Variants in NMNAT3 observed in about 807,000 individuals in gnomAD.
NMNAT3 encodes the protein nicotinamide nucleotide adenylyltransferase 3.
NMNAT3 carries 21 observed loss-of-function variants against 24.8 expected under a neutral mutation model. The ratio of observed to expected loss-of-function variants is 0.85; its 90% CI spans 0.60 to 1.22. NMNAT3 has a LOEUF of 1.22. Ranked by LOEUF, NMNAT3 falls within the 50% of genes most tolerant of loss-of-function variation. The probability of loss-of-function intolerance (pLI) is 0.00; values close to 1 mark genes in which losing one functional copy is unlikely to be tolerated. For missense variants in NMNAT3, 387 were observed against 436.6 expected (o/e 0.89, Z 1.01); for synonymous variants, 136 against 155.2 (o/e 0.88, Z 0.92).
chr3:139,587,943 A>T (rs1465228541), intron 3 of NMNAT3, among the ~76,000 whole-genome samples: 1 of 152,202 alleles, frequency 6.6e-6, no homozygotes, highest in Non-Finnish European at 1.5e-5. Flanking sequence ...GGCATGTTGG[A>T]TACCCAGGTG....
At chr3:139,567,654 C>T (rs377252836) in intron 6 of NMNAT3, 6 of 152,164 alleles carry the variant, frequency 3.9e-5, no homozygotes, top group South Asian at 2.1e-4. Context: ...TATTGATTTG[C>T]ATATGTTGAA....
In NMNAT3 at chr3:139,652,348, T is replaced by C. The variant is rs1194473053; in HGVS notation, c.-140-14286A>G. On this transcript the variant is annotated intron_variant, in intron 1 of 6. Coordinates refer to ENST00000643695, the MANE Select transcript of NMNAT3 (RefSeq NM_001320510.2). ...ATAAAGAATAAGCATTTGCACTGAC[T>C]AATATTTCCAACCATTTAAGGGGCA... Among the ~76,000 whole-genome samples, 3 of 152,224 alleles carry C rather than the reference T, an allele frequency of 2.0e-5. No homozygotes were observed. In the East Asian group the frequency reaches 5.8e-4, roughly 29 times the overall value.
At chr3:139,637,213 T>C (rs774370268) in intron 2 of NMNAT3, 16 of 152,216 alleles carry the variant, frequency 1.1e-4, no homozygotes, top group Non-Finnish European at 1.5e-4. Flanking sequence ...GTTTATTTCA[T>C]GTTAATAATT....
chr3:139,575,932 C>G (rs955200657), intron 5 of NMNAT3: 3 of 1,288,614 alleles, frequency 2.3e-6, no homozygotes, highest in Non-Finnish European at 3.0e-6. Context: ...CAGATGGGAG[C>G]TCCACGTCCT....
rs1939731366 is a variant in NMNAT3 at position 139,578,889 on chromosome 3, C to T, written c.558G>A (p.Glu186=). ...ACCATTACCTCAGCACCTTCACTGTCTCCATCCACTGTGCCTGCTCACTCT... is the reference window on the plus strand; with the variant it reads ...ACCATTACCTCAGCACCTTCACTGTTTCCATCCACTGTGCCTGCTCACTCT... Residue 186 remains glutamate (E), a synonymous_variant, in exon 5 of 7, where the codon GAG becomes GAA. Coordinates refer to ENST00000643695, the MANE Select transcript of NMNAT3 (RefSeq NM_001320510.2). The T allele has an allele frequency of 6.2e-7, 1 of 1,613,968 alleles. No homozygotes were observed. Among genetic ancestry groups the T allele is most frequent in the South Asian group, 1.1e-5 (1 of 91,066 alleles).
chr3:139,622,753 T>TATATATATC (rs546116220), intron 3 of NMNAT3, among the ~76,000 whole-genome samples: 1 of 143,962 alleles, frequency 6.9e-6, no homozygotes, highest in Admixed American at 7.2e-5. Context: ...AGTGTGTGTG[T>TATATATATC]ATATATATCA....
Position 139,583,168 on chromosome 3 carries a change from A to C in NMNAT3, c.150T>G (p.Pro50=). The change falls in exon 4 of 7, where the codon CCT becomes CCG. Residue 50 remains proline, a synonymous_variant. Transcript: ENST00000643695. Reference sequence around the variant, plus strand: ...CTTTTATTGAGATAGACTGAGGTCCAGGAAAAACAAGTGCAACTTCATGGT... The same window carrying C: ...CTTTTATTGAGATAGACTGAGGTCCCGGAAAAACAAGTGCAACTTCATGGT... 1 of 1,289,140 alleles carries C rather than the reference A, an allele frequency of 7.8e-7. No homozygotes were observed. The highest frequency in any genetic ancestry group is 1.2e-5 in the South Asian group (1 of 81,012). The allele number at this position is 1,289,140 out of a possible 1,614,324, so 79.9% of individuals were successfully genotyped here. A position where few individuals can be genotyped will look rare whatever the true frequency, so the allele number is the denominator to read the frequency against.
chr3:139,628,020 A>G (rs184637300), intron 2 of NMNAT3, among the ~76,000 whole-genome samples: 3 of 152,274 alleles, frequency 2.0e-5, no homozygotes, highest in Admixed American at 2.0e-4. Flanking sequence ...CTTAGAAGCT[A>G]CTGGGCCAGG....
intron 3 of NMNAT3, among the ~76,000 whole-genome samples, chr3:139,596,964 A>ATATATTT (rs1405063694): frequency 9.2e-6 from 1 of 108,540 alleles, no homozygotes; most frequent in African/African-American, 3.8e-5. Context: ...ATATATATAT[A>ATATATTT]TTTTTATTAC....
chr3:139,662,586 A>C (rs1005606863), intron 1 of NMNAT3, among the ~76,000 whole-genome samples: 2 of 152,156 alleles, frequency 1.3e-5, no homozygotes, highest in Admixed American at 1.3e-4. Context: ...CCAAGTCCTC[A>C]AGGTGGGCTC....
chr3:139,572,384 T>G (rs543062080), intron 6 of NMNAT3, among the ~76,000 whole-genome samples: 1 of 152,226 alleles, frequency 6.6e-6, no homozygotes, highest in East Asian at 1.9e-4. Context: ...AAACATTATA[T>G]AAGATGATTA....
At chr3:139,570,292 C>T (rs1937979535) in intron 6 of NMNAT3, 2 of 152,210 alleles carry the variant, frequency 1.3e-5, no homozygotes, top group African/African-American at 2.4e-5. Context: ...GTTCAGATTT[C>T]CTCCTGTAGC....
intron 2 of NMNAT3, among the ~76,000 whole-genome samples, chr3:139,630,322 G>T (rs1007429394): frequency 6.6e-6 from 1 of 152,178 alleles, no homozygotes; most frequent in Non-Finnish European, 1.5e-5. Context: ...TAAGGGAAAG[G>T]GGATTGGAAA....
intron 3 of NMNAT3, among the ~76,000 whole-genome samples, chr3:139,586,862 G>C (rs2053961616): frequency 6.6e-6 from 1 of 152,204 alleles, no homozygotes; most frequent in Non-Finnish European, 1.5e-5. Flanking sequence ...AGGTGAGGTG[G>C]AAGAATGGGC....
chr3:139,608,796 C>G (rs2055059472), intron 3 of NMNAT3, among the ~76,000 whole-genome samples: 1 of 152,150 alleles, frequency 6.6e-6, no homozygotes, highest in Non-Finnish European at 1.5e-5. Flanking sequence ...CTGTAGTTTT[C>G]ATGTAATCAT....
At chr3:139,629,101 T>C (rs1181613539) in intron 2 of NMNAT3, among the ~76,000 whole-genome samples, 1 of 152,170 alleles carries the variant, frequency 6.6e-6, no homozygotes, top group Non-Finnish European at 1.5e-5. Flanking sequence ...AATACAGCAG[T>C]AGTGGTTACC....
At chr3:139,591,705 G>A (rs1397740196) in intron 3 of NMNAT3, among the ~76,000 whole-genome samples, 10 of 152,350 alleles carry the variant, frequency 6.6e-5, no homozygotes, top group Non-Finnish European at 1.5e-4. Context: ...CCCAGCAGGG[G>A]CAGACTGACA....
At chr3:139,651,344 G>T (rs760097144) in intron 1 of NMNAT3, among the ~76,000 whole-genome samples, 1 of 152,046 alleles carries the variant, frequency 6.6e-6, no homozygotes, top group Non-Finnish European at 1.5e-5. Flanking sequence ...TCTGTATTAG[G>T]CCTTAGCTCA....
At chr3:139,575,832 A>T (rs1417059676) in intron 5 of NMNAT3, 2 of 1,212,750 alleles carry the variant, frequency 1.6e-6, no homozygotes, top group Non-Finnish European at 2.1e-6. Context: ...TTGGAGGGCA[A>T]CTGTGGGAGG....
Sources: gnomAD v4.1 joint callset for allele counts (sites outside exome capture counted in the v4.1 genomes callset) on GRCh38, gnomAD v4.1.1 for gene constraint, MANE v1.5 for transcripts, NCBI Gene and HGNC (gene_info 2026-07-23, HGNC 2026-07-21) for gene names.